The following SCN9A variants were observed in gnomAD, a reference collection of about 807,000 sequenced individuals.
SCN9A encodes sodium voltage-gated channel alpha subunit 9, also known as sodium channel protein type 9 subunit alpha.
Under a neutral mutation model 187.0 loss-of-function variants are expected in SCN9A, and 131 were observed. That is an observed-to-expected ratio of 0.70 (90% CI 0.61 to 0.81). The LOEUF (loss-of-function observed/expected upper bound fraction) is 0.81. Among genes scored for constraint, SCN9A ranks in the 30% least tolerant of loss-of-function variants. The pLI, the probability that SCN9A is intolerant of heterozygous loss-of-function variation, is 0.00. For synonymous variants in SCN9A, 809 were observed against 808.6 expected, an observed-to-expected ratio of 1.00 and a Z score of -0.01; for missense variants, 2,252 against 2,396.6, an observed-to-expected ratio of 0.94 and a Z score of 1.26.
chr2:166,277,529 C>CA (rs1302480960), intron 15 of SCN9A, among the ~76,000 whole-genome samples, 190 bp from the exon 16 acceptor site: 2 of 151,990 alleles, frequency 1.3e-5, no homozygotes, highest in South Asian at 2.1e-4. Flanking sequence ...CCACTTGCCA[C>CA]AAAAAATTAC....
chr2:166,209,753 T>C (rs1234420133), intron 24 of SCN9A, among the ~76,000 whole-genome samples: 1 of 151,466 alleles, frequency 6.6e-6, no homozygotes, highest in East Asian at 2.0e-4. Flanking sequence ...AAAACCGCAA[T>C]GAGATACCAT....
chr2:166,288,128 C>CA (rs1697868961), intron 10 of SCN9A, among the ~76,000 whole-genome samples: 1 of 133,308 alleles, frequency 7.5e-6, no homozygotes, highest in African/African-American at 2.7e-5. Flanking sequence ...TATACACACA[C>CA]ATTTATATGT....
intron 17 of SCN9A, among the ~76,000 whole-genome samples, chr2:166,270,581 ATTTTG>A (rs991234640): frequency 2.6e-4 from 39 of 151,708 alleles, no homozygotes; most frequent in African/African-American, 9.4e-4. Flanking sequence ...ATTTTATTTT[ATTTTG>A]TTTTAATTTA....
intron 18 of SCN9A, among the ~76,000 whole-genome samples, chr2:166,247,226 T>C (rs1452351655): frequency 7.0e-6 from 1 of 142,506 alleles, no homozygotes; most frequent in Admixed American, 6.9e-5. Flanking sequence ...AAAGACAGAC[T>C]ATTCATTAAA....
chr2:166,233,579 G>A (rs544596340), intron 20 of SCN9A, 117 bp from the exon 21 acceptor site: 62 of 694,748 alleles, frequency 8.9e-5, no homozygotes, highest in African/African-American at 8.8e-4. Flanking sequence ...TGGTATATAC[G>A]GAGTTGTGTA....
chr2:166,248,606 C>T (rs1695896700), intron 18 of SCN9A, among the ~76,000 whole-genome samples: 1 of 151,730 alleles, frequency 6.6e-6, no homozygotes, highest in African/African-American at 2.4e-5. Context: ...CTTCAAATGT[C>T]TTATAATCTG....
intron 9 of SCN9A, among the ~76,000 whole-genome samples, chr2:166,291,545 G>A (rs1210185463): frequency 6.6e-6 from 1 of 152,108 alleles, no homozygotes; most frequent in African/African-American, 2.4e-5. Context: ...AATTACCATT[G>A]ACATCTTCAC....
chr2:166,249,372 A>C (rs920533634), intron 18 of SCN9A: 1 of 152,062 alleles, frequency 6.6e-6, no homozygotes, highest in Non-Finnish European at 1.5e-5. Context: ...CTGGAACTGG[A>C]CCTGGCACAC....
At chr2:166,272,338 A>T (rs1697027393) in intron 17 of SCN9A, 61 bp downstream of exon 17, 8 of 1,097,340 alleles carry the variant, frequency 7.3e-6, no homozygotes, top group Non-Finnish European at 1.0e-5. Context: ...GAAATATGAA[A>T]TTTTCATTCA....
At chr2:166,227,606 A>C in intron 23 of SCN9A, 64 bp downstream of exon 23, 1 of 936,494 alleles carries the variant, frequency 1.1e-6, no homozygotes, top group Non-Finnish European at 1.7e-6. Context: ...TAGTTTGGAA[A>C]TCACTGAAAT....
chr2:166,304,146 A>G (rs768290765), intron 6 of SCN9A, 92 bp downstream of exon 6: 2 of 1,612,734 alleles, frequency 1.2e-6, no homozygotes, highest in Non-Finnish European at 1.7e-6. Context: ...GTTTATACAC[A>G]CAGTGACGAC....
At chr2:166,356,791 T>C (rs1700160521) in intron 1 of SCN9A, among the ~76,000 whole-genome samples, 2 of 152,226 alleles carry the variant, frequency 1.3e-5, no homozygotes, top group African/African-American at 4.8e-5. Context: ...TATCAGCATG[T>C]ATAAAGCTAC....
At chr2:166,371,437 G>A (rs531270141) in intron 1 of SCN9A, among the ~76,000 whole-genome samples, 76 of 152,138 alleles carry the variant, frequency 5.0e-4, no homozygotes, top group Non-Finnish European at 9.3e-4. Flanking sequence ...ACCTTTAGCT[G>A]CCAAGAGCTG....
intron 17 of SCN9A, among the ~76,000 whole-genome samples, chr2:166,254,782 T>A (rs907515594): frequency 6.6e-6 from 1 of 151,394 alleles, no homozygotes; most frequent in East Asian, 1.9e-4. Context: ...AATTTTCACA[T>A]GGATTTGATT....
rs1698679787 is a variant in SCN9A at position 166,304,291 on chromosome 2, G to A, written c.635C>T (p.Ala212Val). 1 of 1,613,520 alleles carries A rather than the reference G, an allele frequency of 6.2e-7. No individual in the cohort carries two copies. Residue 212 changes from alanine (A) to valine (V), a missense_variant, in exon 6 of 27, where the codon GCT becomes GTT. Coordinates refer to ENST00000642356, the MANE Select transcript of SCN9A (RefSeq NM_001365536.1). The stretch of plus-strand genomic sequence containing the variant: ...TCTCAATACTCTGAAAGTTCGAAGA[G>A]CTGAAACATTGCCTAGGTTTACAAA... ...TEFVNLGNVS[A>V]LRTFRVLRAL... is the part of the protein sequence containing the mutation.
chr2:166,361,587 C>T (rs1014098470), intron 1 of SCN9A, among the ~76,000 whole-genome samples: 4 of 151,712 alleles, frequency 2.6e-5, no homozygotes, highest in Non-Finnish European at 5.9e-5. Flanking sequence ...CTGAACACAC[C>T]GAGGATGTTG....
At position 166,270,700 on chromosome 2, in the gene SCN9A, C is replaced by T. The variant is rs368959219; in HGVS notation, c.3351+1699G>A. ...AGTGCAGCGGTGCGATCTTGGCTTA[C>T]TGCAACCTCCGCCTCTGGAGCTCAA... On this transcript the variant is annotated intron_variant, in intron 17 of 26. Transcript: ENST00000642356. 2.8e-4 allele frequency among the ~76,000 whole-genome samples: 42 copies of T among 151,440 alleles called. No individual in the cohort carries two copies. In the South Asian group the frequency reaches 5.4e-3, roughly 20 times the overall value.
At position 166,300,887 on chromosome 2, in the gene SCN9A, CTATTAT is replaced by C. The variant is rs1305862449; in HGVS notation, c.901+2197_901+2202del. 2.0e-5 allele frequency: 3 copies of C among 150,196 alleles called. No individual in the cohort carries two copies. In the South Asian group the frequency reaches 6.2e-4, roughly 31 times the overall value. The allele number at this position is 150,196 out of a possible 1,614,324, so 9.3% of individuals were successfully genotyped here. On this transcript the variant is annotated intron_variant, in intron 7 of 26. Coordinates refer to ENST00000642356, the MANE Select transcript of SCN9A (RefSeq NM_001365536.1). Reference sequence around the variant, plus strand: ...AGATAATTCACATAACTCAAGGGCTCTATTATTATTATTAATTTATTAATTTATTTA... The same window carrying C: ...AGATAATTCACATAACTCAAGGGCTCTATTATTAATTTATTAATTTATTTA...
intron 1 of SCN9A, among the ~76,000 whole-genome samples, chr2:166,363,802 G>A (rs1700348970): frequency 6.6e-6 from 1 of 151,974 alleles, no homozygotes; most frequent in Admixed American, 6.6e-5. Flanking sequence ...ACATGGACAT[G>A]GAACCAAAAG....
Sources: allele counts gnomAD v4.1 joint callset (sites outside exome capture counted in the v4.1 genomes callset), GRCh38; gene constraint gnomAD v4.1.1; transcripts MANE v1.5; gene names NCBI Gene and HGNC (gene_info 2026-07-23, HGNC 2026-07-21).